The following DDR2 variants were observed in gnomAD, a reference collection of about 807,000 sequenced individuals.
DDR2 encodes discoidin domain-containing receptor 2.
A neutral mutation model predicts 94.9 loss-of-function variants in DDR2; 27 were observed. That is an observed-to-expected ratio of 0.28 (90% confidence interval 0.21 to 0.39). The LOEUF (loss-of-function observed/expected upper bound fraction) is 0.39, where lower values mean the gene tolerates loss of function less well. Among genes scored for constraint, DDR2 ranks in the 10% least tolerant of loss-of-function variants. The pLI is 1.00. For missense variants in DDR2, 783 were observed against 1,076.0 expected, an observed-to-expected ratio of 0.73 and a Z score of 3.81; for synonymous variants, 382 against 377.2, an observed-to-expected ratio of 1.01 and a Z score of -0.15.
intron 8 of DDR2, among the ~76,000 whole-genome samples, chr1:162,760,508 CTA>C (rs71834561): frequency 0.078 from 4,226 of 54,152 alleles, 796 homozygotes; most frequent in South Asian, 0.11. Flanking sequence ...ACATATACAA[CTA>C]TATATATGTA....
intron 1 of DDR2, among the ~76,000 whole-genome samples, chr1:162,636,990 TA>T (rs1049195345): frequency 1.7e-4 from 26 of 151,806 alleles, no homozygotes; most frequent in African/African-American, 6.3e-4. Flanking sequence ...AGTGGTGATT[TA>T]AAAAAAAATC....
intron 3 of DDR2, among the ~76,000 whole-genome samples, chr1:162,735,355 C>T (rs1186490339): frequency 6.6e-6 from 1 of 152,180 alleles, no homozygotes; most frequent in Non-Finnish European, 1.5e-5. Context: ...AATGAAGCCT[C>T]ATGTCCTCCC....
intron 2 of DDR2, among the ~76,000 whole-genome samples, chr1:162,677,597 G>A (rs1213168098): frequency 6.6e-6 from 1 of 152,176 alleles, no homozygotes; most frequent in South Asian, 2.1e-4. Context: ...AGGACTTCTA[G>A]CTTTTCTTCT....
At position 162,742,410 on chromosome 1, in the gene DDR2, C is replaced by T. The variant is rs562981694; in HGVS notation, c.83-10685C>T. 2.7e-4 allele frequency among the ~76,000 whole-genome samples: 41 copies of T among 152,276 alleles called. 1 individual carries two copies. The South Asian group carries it at 6.2e-3, about 23-fold the overall frequency. On this transcript the variant is annotated intron_variant, in intron 3 of 17. Coordinates refer to ENST00000367921, the MANE Select transcript of DDR2 (RefSeq NM_006182.4). ...TCAGGGAGCTTATAATCATCGTGGACGGTGAAGTGGGAGCAGGCATGTCAC... is the reference window on the plus strand; with the variant it reads ...TCAGGGAGCTTATAATCATCGTGGATGGTGAAGTGGGAGCAGGCATGTCAC...
intron 2 of DDR2, among the ~76,000 whole-genome samples, chr1:162,702,836 T>C (rs1660489126): frequency 6.6e-6 from 1 of 152,206 alleles, no homozygotes; most frequent in South Asian, 2.1e-4. Flanking sequence ...CTGTTTCCGA[T>C]AAGCCACTCA....
chr1:162,681,591 T>C (rs1659402414), intron 2 of DDR2, among the ~76,000 whole-genome samples: 1 of 152,192 alleles, frequency 6.6e-6, no homozygotes, highest in South Asian at 2.1e-4. Flanking sequence ...TAGATCAAAG[T>C]GCCAGCAGAT....
At chr1:162,716,405 G>T (rs2102024545) in intron 2 of DDR2, among the ~76,000 whole-genome samples, 1 of 152,334 alleles carries the variant, frequency 6.6e-6, no homozygotes, top group Non-Finnish European at 1.5e-5. Flanking sequence ...TTATGGTCAT[G>T]AGTTAGTGCT....
intron 1 of DDR2, among the ~76,000 whole-genome samples, chr1:162,636,176 T>C (rs1656806720): frequency 6.6e-6 from 1 of 152,248 alleles, no homozygotes; most frequent in Non-Finnish European, 1.5e-5. Flanking sequence ...ATATATTTGA[T>C]GTTTCCTAAT....
chr1:162,756,112 G>T (rs1663453085), intron 7 of DDR2, among the ~76,000 whole-genome samples: 1 of 152,142 alleles, frequency 6.6e-6, no homozygotes. Flanking sequence ...GAAACAAAGG[G>T]CCAGAGAATT....
At chr1:162,757,631 T>C (rs1327937600) in intron 7 of DDR2, among the ~76,000 whole-genome samples, 1 of 152,200 alleles carries the variant, frequency 6.6e-6, no homozygotes, top group Non-Finnish European at 1.5e-5. Context: ...ATCATTAATG[T>C]AATGAGTCAT....
intron 2 of DDR2, among the ~76,000 whole-genome samples, chr1:162,686,588 G>A (rs113993582): frequency 3.9e-5 from 6 of 152,274 alleles, no homozygotes; most frequent in African/African-American, 1.4e-4. Flanking sequence ...TGGTATATAT[G>A]TGCCACATTT....
At chr1:162,716,537 G>A (rs1208824585) in intron 2 of DDR2, among the ~76,000 whole-genome samples, 1 of 152,206 alleles carries the variant, frequency 6.6e-6, no homozygotes, top group Non-Finnish European at 1.5e-5. Flanking sequence ...TAGGAACACT[G>A]AGACATGTAT....
rs1648184334 is a variant in DDR2, at chr1:162,787,218, ATTG to A, written c.*6975_*6977del. On this transcript the variant is annotated 3_prime_UTR_variant, in exon 18 of 18. Coordinates refer to ENST00000367921, the MANE Select transcript of DDR2 (RefSeq NM_006182.4). ...GATAGATGGGATCATTGTGTACCCT[ATTG>A]TTCTTCTGATTTCCAGGAGAACAGA... 1 of 152,114 alleles carries A rather than the reference ATTG, an allele frequency of 6.6e-6. No homozygotes were observed. Among genetic ancestry groups the A allele is most frequent in the Non-Finnish European group, 1.5e-5 (1 of 68,028 alleles). 9.4% of individuals were successfully genotyped at this position (152,114 alleles called of 1,614,324 possible).
rs200965319 is a variant in DDR2, at chr1:162,759,902, C to A, written c.778C>A (p.Arg260=). 1.2e-6 allele frequency: 2 copies of A among 1,614,118 alleles called. No individual in the cohort carries two copies. The highest frequency in any genetic ancestry group is 1.7e-6 in the Non-Finnish European group (2 of 1,180,014). Residue 260 remains arginine, a synonymous_variant, in exon 8 of 18, where the codon CGG becomes AGG. Transcript: ENST00000367921. ...VWPGYDYVGW[R]NESATNGYIE... ...GCCCGGCTATGACTATGTGGGCTGG[C>A]GGAACGAGAGTGCCACCAATGGCTA...
chr1:162,756,713 A>G lies in DDR2; in HGVS notation c.671+944A>G, dbSNP rs183412457. On this transcript the variant is annotated intron_variant, in intron 7 of 17. Transcript: ENST00000367921. The stretch of plus-strand genomic sequence containing the variant: ...TGTGGAGAATGAACTATTGCCCTCT[A>G]GCTGCCATCCCCTGGGTGAAGACCT... Among the ~76,000 whole-genome samples the G allele has an allele frequency of 4.6e-5, 7 of 152,278 alleles. No individual in the cohort carries two copies. In the East Asian group the frequency reaches 7.7e-4, roughly 17 times the overall value.
At chr1:162,778,824 A>C in intron 17 of DDR2, 95 bp downstream of exon 17, 1 of 1,506,076 alleles carries the variant, frequency 6.6e-7, no homozygotes, top group Non-Finnish European at 9.2e-7. Flanking sequence ...CCGAGATGGA[A>C]GACAGACTAT....
At chr1:162,706,068 G>A (rs1048048792) in intron 2 of DDR2, among the ~76,000 whole-genome samples, 2 of 152,202 alleles carry the variant, frequency 1.3e-5, no homozygotes, top group Non-Finnish European at 2.9e-5. Flanking sequence ...AGTGGATCAC[G>A]CAAGAGAGGA....
intron 1 of DDR2, among the ~76,000 whole-genome samples, chr1:162,649,265 G>T (rs1333687044): frequency 6.6e-6 from 1 of 152,162 alleles, no homozygotes; most frequent in African/African-American, 2.4e-5. Flanking sequence ...GAGAGGGCGA[G>T]CTTAGAGCAC....
intron 2 of DDR2, among the ~76,000 whole-genome samples, chr1:162,703,656 A>G (rs879825294): frequency 5.0e-4 from 76 of 152,194 alleles, no homozygotes; most frequent in Non-Finnish European, 6.5e-4. Flanking sequence ...TAGGTGTTAG[A>G]GATAAAGAGA....
Sources: allele counts gnomAD v4.1 joint callset (sites outside exome capture counted in the v4.1 genomes callset), GRCh38; gene constraint gnomAD v4.1.1; transcripts MANE v1.5; gene names NCBI Gene and HGNC (gene_info 2026-07-23, HGNC 2026-07-21).